ZFP90: variants seen among roughly 807,000 people sequenced by gnomAD.
ZFP90 encodes the protein zinc finger protein 90 homolog.
A neutral mutation model predicts 60.8 loss-of-function variants in ZFP90; 38 were observed. That is an observed-to-expected ratio of 0.62 (90% CI 0.48 to 0.82). ZFP90 has a LOEUF of 0.82. ZFP90 is among the 40% of genes least tolerant of loss of function. ZFP90 has a pLI of 0.00. For synonymous variants in ZFP90, 287 were observed against 264.8 expected (o/e 1.08, Z -0.82); for missense variants, 711 against 759.1 (o/e 0.94, Z 0.74).
downstream of ZFP90, among the ~76,000 whole-genome samples, chr16:68,568,970 G>A (rs1480061920): frequency 6.6e-6 from 1 of 151,954 alleles, no homozygotes; most frequent in Non-Finnish European, 1.5e-5. Flanking sequence ...GAGCCACTGT[G>A]CCCAGTCAAT....
chr16:68,556,999 T>A (rs1257813863), intron 2 of ZFP90, among the ~76,000 whole-genome samples: 1 of 152,274 alleles, frequency 6.6e-6, no homozygotes, highest in Non-Finnish European at 1.5e-5. Context: ...CATTTTACTC[T>A]CTTTTTTTGA....
At chr16:68,557,242 C>T (rs764452893) in intron 2 of ZFP90, 9 of 455,738 alleles carry the variant, frequency 2.0e-5, no homozygotes, top group East Asian at 6.9e-5. Flanking sequence ...GGAAGTGAAC[C>T]GGCTCAAGCG....
intron 2 of ZFP90, among the ~76,000 whole-genome samples, chr16:68,543,270 C>T (rs1420931273): frequency 6.6e-6 from 1 of 152,114 alleles, no homozygotes; most frequent in East Asian, 1.9e-4. Flanking sequence ...GGAACTAATA[C>T]AACTTCATAG....
At chr16:68,551,628 C>T (rs1181556043) in intron 2 of ZFP90, among the ~76,000 whole-genome samples, 3 of 152,024 alleles carry the variant, frequency 2.0e-5, no homozygotes, top group Non-Finnish European at 2.9e-5. Flanking sequence ...CCAGGTTGGT[C>T]TCAAACTCCT....
rs981504378 is a variant in ZFP90, at chr16:68,565,092, C to G, written c.*394C>G. On this transcript the variant is annotated 3_prime_UTR_variant, in exon 5 of 5. Transcript: ENST00000563169. ...TTAAAAATTGCTTGACAACTGCACT[C>G]AACTGCAGCTCTTACATTAACTTCA... The G allele has an allele frequency of 1.0e-6, 1 of 995,502 alleles. No individual in the cohort carries two copies. Among genetic ancestry groups the G allele is most frequent in the Non-Finnish European group, 1.2e-6 (1 of 836,606 alleles). 61.7% of individuals were successfully genotyped at this position (995,502 alleles called of 1,614,324 possible).
rs1437554361 is a variant in ZFP90 at position 68,565,496 on chromosome 16, A to G, written c.*798A>G. On this transcript the variant is annotated 3_prime_UTR_variant, in exon 5 of 5. Coordinates refer to ENST00000563169, the MANE Select transcript of ZFP90 (RefSeq NM_001305203.2). ...GCAACTTCTTGGAGGCTTACAAACC[A>G]CAATTTAACAGAAACTGTAGATGGT... The G allele has an allele frequency of 5.1e-6, 5 of 985,588 alleles. No individual in the cohort carries two copies. Among genetic ancestry groups the G allele is most frequent in the Non-Finnish European group, 6.0e-6 (5 of 829,928 alleles). The allele number at this position is 985,588 out of a possible 1,614,324, so 61.1% of individuals were successfully genotyped here.
intron 2 of ZFP90, among the ~76,000 whole-genome samples, chr16:68,550,955 T>C (rs74025196): frequency 3.2e-4 from 49 of 152,304 alleles, no homozygotes; most frequent in African/African-American, 1.1e-3. Context: ...TAGGAATCTG[T>C]GTGTGTGCAA....
upstream of ZFP90, among the ~76,000 whole-genome samples, chr16:68,535,916 G>A (rs1345616061): frequency 6.6e-6 from 1 of 152,116 alleles, no homozygotes; most frequent in Non-Finnish European, 1.5e-5. Context: ...GTTCCTTAAA[G>A]GAAACCAATA....
chr16:68,546,673 A>C (rs540793413), intron 2 of ZFP90, among the ~76,000 whole-genome samples: 1 of 152,206 alleles, frequency 6.6e-6, no homozygotes, highest in South Asian at 2.1e-4. Context: ...CACCACGCCC[A>C]GCTAATTTTT....
chr16:68,539,660 C>T (rs1006610888), intron 1 of ZFP90, 98 bp from the exon 2 acceptor site: 13 of 994,018 alleles, frequency 1.3e-5, no homozygotes, highest in Middle Eastern at 3.3e-4. Flanking sequence ...GCCACCATCT[C>T]CCCTGGAGAT....
At chr16:68,557,801 C>A in intron 2 of ZFP90, among the ~76,000 whole-genome samples, 197 bp from the exon 3 acceptor site, 1 of 147,312 alleles carries the variant, frequency 6.8e-6, no homozygotes, top group Non-Finnish European at 1.5e-5. Context: ...ACAAATTGCC[C>A]CTCATAACTT....
In ZFP90 at chr16:68,566,983, G is replaced by A. The variant is rs983677428; in HGVS notation, c.*2285G>A. ...CTTCATTGACAGGGAGGGAGCCCAG[G>A]ACATATGTGTGGCTCATTGACCAGA... On this transcript the variant is annotated 3_prime_UTR_variant, in exon 5 of 5. Coordinates refer to ENST00000563169, the MANE Select transcript of ZFP90 (RefSeq NM_001305203.2). 1.0e-6 allele frequency: 1 copy of A among 985,622 alleles called. No individual in the cohort carries two copies. Among genetic ancestry groups the A allele is most frequent in the African/African-American group, 1.7e-5 (1 of 57,346 alleles). The allele number at this position is 985,622 out of a possible 1,614,324, so 61.1% of individuals were successfully genotyped here.
rs116198168 is a variant in ZFP90, at chr16:68,546,263, A to T, written c.33+6438A>T. 5.3e-3 allele frequency among the ~76,000 whole-genome samples: 805 copies of T among 152,324 alleles called. 3 individuals carry two copies. The highest frequency in any genetic ancestry group is 0.018 in the African/African-American group (733 of 41,562). On this transcript the variant is annotated intron_variant, in intron 2 of 4. Transcript: ENST00000563169. ...ATATAATCTTTGTCAGTTTTTATAA[A>T]TTTTGATAAAATACACATAAGACAA...
rs71148910 is a variant in ZFP90, at chr16:68,540,811, A to AGAAG, written c.33+986_33+987insGAAG. 3.5e-4 allele frequency among the ~76,000 whole-genome samples: 51 copies of AGAAG among 145,332 alleles called. 2 individuals are homozygous for AGAAG. In the East Asian group the frequency reaches 9.9e-3, roughly 28 times the overall value. Reference sequence around the variant, plus strand: ...ACATAGTGAGACTCCGTCTCTGCAAAAAAAAAAAAAAAAAAAAAATTTAAA... The same window carrying AGAAG: ...ACATAGTGAGACTCCGTCTCTGCAAAGAAGAAAAAAAAAAAAAAAAAAATTTAAA... On this transcript the variant is annotated intron_variant, in intron 2 of 4. Transcript: ENST00000563169.
At chr16:68,574,846 C>G (rs2091585562) in intron 2 of ZFP90, among the ~76,000 whole-genome samples, 1 of 144,356 alleles carries the variant, frequency 6.9e-6, no homozygotes, top group Non-Finnish European at 1.5e-5. Flanking sequence ...ATTGCTTGAG[C>G]CAGGGAAGCA....
chr16:68,552,476 G>A (rs1176785478), intron 2 of ZFP90, among the ~76,000 whole-genome samples: 4 of 152,184 alleles, frequency 2.6e-5, no homozygotes, highest in South Asian at 4.1e-4. Context: ...CCTGGGGTAC[G>A]AATGGGGCCC....
chr16:68,559,580 T>G (rs2091404072), intron 4 of ZFP90, among the ~76,000 whole-genome samples: 1 of 152,160 alleles, frequency 6.6e-6, no homozygotes, highest in Non-Finnish European at 1.5e-5. Flanking sequence ...AATTAATAAT[T>G]TTATTGAGAC....
intron 2 of ZFP90, 94 bp downstream of exon 2, chr16:68,539,919 C>A (rs2091009296): frequency 1.3e-6 from 2 of 1,493,102 alleles, no homozygotes; most frequent in South Asian, 1.2e-5. Context: ...CTCTGCCTGG[C>A]GACTCCCTTA....
chr16:68,542,944 G>A (rs1445104976), intron 2 of ZFP90, among the ~76,000 whole-genome samples: 2 of 152,118 alleles, frequency 1.3e-5, no homozygotes, highest in Non-Finnish European at 2.9e-5. Flanking sequence ...GAAGAATTCA[G>A]TAAATAAATA....
Sources: allele counts gnomAD v4.1 joint callset (sites outside exome capture counted in the v4.1 genomes callset), GRCh38; gene constraint gnomAD v4.1.1; transcripts MANE v1.5; gene names NCBI Gene and HGNC (gene_info 2026-07-23, HGNC 2026-07-21).